The following GRID2 variants were observed in gnomAD, a reference collection of about 807,000 sequenced individuals.
The protein encoded by GRID2 is glutamate receptor ionotropic, delta-2.
Under a neutral mutation model 114.8 loss-of-function variants are expected in GRID2, and 33 were observed. The ratio of observed to expected loss-of-function variants is 0.29; its 90% CI spans 0.22 to 0.38. The LOEUF (loss-of-function observed/expected upper bound fraction) is 0.38. Ranked by LOEUF, GRID2 falls within the 10% of genes least tolerant of loss-of-function variation. GRID2 has a pLI of 1.00. For missense variants in GRID2, 1,184 were observed against 1,257.7 expected, an observed-to-expected ratio of 0.94 and a Z score of 0.89; for synonymous variants, 505 against 449.9, an observed-to-expected ratio of 1.12 and a Z score of -1.55.
chr4:93,131,925 G>T (rs1431818719), intron 4 of GRID2, among the ~76,000 whole-genome samples: 1 of 152,076 alleles, frequency 6.6e-6, no homozygotes, highest in Non-Finnish European at 1.5e-5. Flanking sequence ...GGGTCTCCTA[G>T]AATAGTGTCT....
chr4:92,671,811 C>G (rs559777701), intron 2 of GRID2, among the ~76,000 whole-genome samples: 3 of 152,140 alleles, frequency 2.0e-5, no homozygotes, highest in African/African-American at 7.2e-5. Flanking sequence ...TAATGTAGCT[C>G]TCCTCCCATG....
Position 92,626,490 on chromosome 4 carries a change from G to C in GRID2, c.244+36204G>C, listed in dbSNP as rs369076437. 1.1e-4 allele frequency among the ~76,000 whole-genome samples: 16 copies of C among 152,088 alleles called. No individual in the cohort carries two copies. In the East Asian group the frequency reaches 2.9e-3, roughly 28 times the overall value. ...ATAGCGATTAAAGGGGAAGTGGGGAGTATGAAATTTGTCTCAGCCTTGACT... is the reference window on the plus strand; with the variant it reads ...ATAGCGATTAAAGGGGAAGTGGGGACTATGAAATTTGTCTCAGCCTTGACT... On this transcript the variant is annotated intron_variant, in intron 2 of 15. Transcript: ENST00000282020.
intron 10 of GRID2, among the ~76,000 whole-genome samples, chr4:93,453,094 T>C (rs944894124): frequency 1.1e-4 from 16 of 142,432 alleles, no homozygotes; most frequent in Admixed American, 7.4e-4. Context: ...TGTGTCCATG[T>C]GTTCTCATTG....
At chr4:93,408,349 A>G (rs1295336029) in intron 9 of GRID2, among the ~76,000 whole-genome samples, 2 of 148,096 alleles carry the variant, frequency 1.4e-5, no homozygotes, top group Non-Finnish European at 3.0e-5. Context: ...ATGCAAGAAT[A>G]AATAGGACTA....
chr4:93,297,030 C>G (rs1015768022), intron 8 of GRID2, among the ~76,000 whole-genome samples: 2 of 152,116 alleles, frequency 1.3e-5, no homozygotes, highest in African/African-American at 4.8e-5. Flanking sequence ...GTGCTTGTCT[C>G]TTTATTTGCT....
intron 2 of GRID2, among the ~76,000 whole-genome samples, chr4:92,801,654 TGTAATATAAGCATATATATAAGCAAAA>T (rs1740178244): frequency 6.6e-6 from 1 of 151,920 alleles, no homozygotes; most frequent in African/African-American, 2.4e-5. Context: ...AAAATATTTT[TGTAATATAAGCATATATATAAGCAAAA>T]GTAATATAAG....
chr4:93,490,744 T>C lies in GRID2; in HGVS notation c.1964T>C (p.Phe655Ser). 1 of 1,610,878 alleles carries C rather than the reference T, an allele frequency of 6.2e-7. No individual in the cohort carries two copies. The highest frequency in any genetic ancestry group is 1.1e-5 in the South Asian group (1 of 90,964). ...ISSYTANLAA[F>S]LTITRIESSI... Reference sequence around the variant, plus strand: ...TCTTACACGGCAAACCTCGCTGCTTTCCTCACTATTACACGCATTGAAAGT... The same window carrying C: ...TCTTACACGGCAAACCTCGCTGCTTCCCTCACTATTACACGCATTGAAAGT... Residue 655 changes from phenylalanine to serine, a missense_variant, in exon 12 of 16, where the codon TTC becomes TCC. Phe to Ser is a radical substitution (Grantham distance 155, BLOSUM62 -2). Around this residue, in one of 3 missense-constraint regions of GRID2, gnomAD observed 717 missense variants for 796.9 expected, o/e 0.90. Transcript: ENST00000282020.
At chr4:93,490,228 A>C (rs1376266901) in intron 11 of GRID2, among the ~76,000 whole-genome samples, 1 of 151,712 alleles carries the variant, frequency 6.6e-6, no homozygotes, top group Non-Finnish European at 1.5e-5. Context: ...TATAACAAAA[A>C]ATAATCCTTT....
At chr4:93,792,279 G>A (rs1734709785) in intron 1 of GRID2, among the ~76,000 whole-genome samples, 1 of 152,040 alleles carries the variant, frequency 6.6e-6, no homozygotes, top group African/African-American at 2.4e-5. Flanking sequence ...ATTTTGGTGA[G>A]AATGCCTGTT....
intron 4 of GRID2, among the ~76,000 whole-genome samples, chr4:93,148,982 G>A (rs1736496898): frequency 6.6e-6 from 1 of 152,092 alleles, no homozygotes. Flanking sequence ...TTAGGCAAAT[G>A]GCATCATGAA....
chr4:93,662,036 T>G (rs62321977), intron 14 of GRID2, among the ~76,000 whole-genome samples: 27,874 of 152,146 alleles, frequency 0.18, 3,223 homozygotes, highest in East Asian at 0.4. Context: ...TTGCTCATTC[T>G]GTTCCAGCTA....
At chr4:93,484,573 A>G (rs1726198596) in intron 11 of GRID2, among the ~76,000 whole-genome samples, 1 of 151,902 alleles carries the variant, frequency 6.6e-6, no homozygotes, top group African/African-American at 2.4e-5. Flanking sequence ...GGCTGCCACA[A>G]GATTAGATAA....
At chr4:93,087,929 T>C (rs1730466757) in intron 3 of GRID2, among the ~76,000 whole-genome samples, 1 of 152,158 alleles carries the variant, frequency 6.6e-6, no homozygotes, top group Admixed American at 6.6e-5. Context: ...AGTTCAAACA[T>C]TGGAATTGTA....
chr4:93,379,547 A>G (rs1560559745), intron 8 of GRID2, among the ~76,000 whole-genome samples: 1 of 152,138 alleles, frequency 6.6e-6, no homozygotes, highest in Non-Finnish European at 1.5e-5. Context: ...TATCTCAGCC[A>G]TAAATGTCTA....
intron 14 of GRID2, among the ~76,000 whole-genome samples, chr4:93,672,119 A>T (rs1251092698): frequency 2.6e-5 from 4 of 152,108 alleles, no homozygotes; most frequent in Admixed American, 2.0e-4. Flanking sequence ...CCAGTTGAGG[A>T]GTTTATAGAG....
At chr4:92,848,637 G>A (rs1463542109) in intron 2 of GRID2, among the ~76,000 whole-genome samples, 1 of 151,884 alleles carries the variant, frequency 6.6e-6, no homozygotes, top group Non-Finnish European at 1.5e-5. Flanking sequence ...AAGTTAATGG[G>A]TAACTAGATT....
At chr4:92,935,573 A>C (rs1452162812) in intron 2 of GRID2, among the ~76,000 whole-genome samples, 3 of 146,254 alleles carry the variant, frequency 2.1e-5, no homozygotes, top group Non-Finnish European at 4.5e-5. Context: ...CTGCTATAAA[A>C]ACACACACAC....
chr4:92,688,781 T>C (rs765488521), intron 2 of GRID2, among the ~76,000 whole-genome samples: 20 of 152,222 alleles, frequency 1.3e-4, no homozygotes, highest in Admixed American at 3.9e-4. Flanking sequence ...CCTCTTCCCA[T>C]GAACTGTTAA....
intron 2 of GRID2, among the ~76,000 whole-genome samples, chr4:92,592,834 A>G (rs916258131): frequency 1.7e-4 from 25 of 151,078 alleles, no homozygotes; most frequent in African/African-American, 5.6e-4. Context: ...TTTTTTTTGT[A>G]AAACGGTGGC....
Sources: gnomAD v4.1 joint callset for allele counts (sites outside exome capture counted in the v4.1 genomes callset) on GRCh38, gnomAD v4.1.1 for gene constraint, gnomAD v4.1.1 regional missense constraint, MANE v1.5 for transcripts, NCBI Gene and HGNC (gene_info 2026-07-23, HGNC 2026-07-21) for gene names.